Variants in EML6 observed in about 807,000 individuals in gnomAD.
EML6 encodes EMAP like 6, also known as echinoderm microtubule-associated protein-like 6.
EML6 carries 154 observed loss-of-function variants against 240.1 expected under a neutral mutation model. That is an observed-to-expected ratio of 0.64 (90% confidence interval 0.56 to 0.73). The LOEUF is 0.73. EML6 is among the 30% of genes least tolerant of loss of function. The probability of loss-of-function intolerance (pLI) is 0.00; values close to 1 mark genes in which losing one functional copy is unlikely to be tolerated. For synonymous variants in EML6, 1,148 were observed against 899.0 expected, an observed-to-expected ratio of 1.28 and a Z score of -4.95; for missense variants, 2,964 against 2,474.6, an observed-to-expected ratio of 1.20 and a Z score of -4.20.
chr2:54,803,885 C>T (rs1415293213), intron 2 of EML6, among the ~76,000 whole-genome samples: 1 of 152,180 alleles, frequency 6.6e-6, no homozygotes, highest in African/African-American at 2.4e-5. Flanking sequence ...CACTCACGGA[C>T]CGGGCACCAT....
chr2:54,890,966 C>T (rs908529492), intron 17 of EML6, 88 bp from the exon 18 acceptor site: 42 of 602,642 alleles, frequency 7.0e-5, no homozygotes, highest in Non-Finnish European at 1.1e-4. Context: ...GTTAGATGTG[C>T]TTAAAATTAG....
At chr2:54,886,587 C>G (rs577005964) in intron 17 of EML6, among the ~76,000 whole-genome samples, 6 of 152,320 alleles carry the variant, frequency 3.9e-5, no homozygotes, top group Admixed American at 3.3e-4. Flanking sequence ...AGGCCTCCAA[C>G]TTCTCCACAT....
At chr2:54,853,904 T>C (rs561478490) in intron 11 of EML6, 49 bp downstream of exon 11, 2 of 1,246,196 alleles carry the variant, frequency 1.6e-6, no homozygotes, top group South Asian at 2.8e-5. Flanking sequence ...CTCTAAACTG[T>C]ATACAGTACA....
chr2:54,873,472 G>T (rs181695524), intron 16 of EML6, among the ~76,000 whole-genome samples: 1 of 152,336 alleles, frequency 6.6e-6, no homozygotes, highest in Admixed American at 6.5e-5. Context: ...ACTCCCGGAA[G>T]TGTGATGGAC....
At chr2:54,795,307 G>T (rs1669699594) in intron 2 of EML6, among the ~76,000 whole-genome samples, 1 of 152,210 alleles carries the variant, frequency 6.6e-6, no homozygotes, top group Non-Finnish European at 1.5e-5. Context: ...GAGAGAGCAT[G>T]TGTGAATGAG....
At chr2:54,899,131 A>G (rs979222317) in intron 21 of EML6, among the ~76,000 whole-genome samples, 9 of 152,232 alleles carry the variant, frequency 5.9e-5, no homozygotes, top group Non-Finnish European at 1.3e-4. Context: ...GCCGAATGCT[A>G]CACATTCAAA....
chr2:54,966,089 T>A (rs532813909), intron 38 of EML6, among the ~76,000 whole-genome samples: 5 of 152,374 alleles, frequency 3.3e-5, no homozygotes, highest in Admixed American at 6.5e-5. Context: ...CAGTCCCTGC[T>A]TCCTGGAGCT....
intron 9 of EML6, 144 bp downstream of exon 9, chr2:54,847,767 C>A: frequency 3.3e-6 from 3 of 914,908 alleles, no homozygotes; most frequent in South Asian, 1.9e-5. Flanking sequence ...GATCCCCTAT[C>A]TGTAATTCTG....
chr2:54,889,226 G>A (rs947600872), intron 17 of EML6, among the ~76,000 whole-genome samples: 1 of 152,162 alleles, frequency 6.6e-6, no homozygotes, highest in Admixed American at 6.5e-5. Context: ...ACCTAGGAGA[G>A]CTACTCTCTG....
intron 2 of EML6, among the ~76,000 whole-genome samples, chr2:54,802,665 A>ACTG (rs931672254): frequency 6.8e-6 from 1 of 147,698 alleles, no homozygotes; most frequent in African/African-American, 2.5e-5. Context: ...TACTACTACT[A>ACTG]CTGCTACTAC....
chr2:54,907,379 C>T (rs1363478218), intron 24 of EML6, among the ~76,000 whole-genome samples: 6 of 152,126 alleles, frequency 3.9e-5, no homozygotes, highest in South Asian at 2.1e-4. Flanking sequence ...TGGTGGCGGG[C>T]GCCTGTAATC....
chr2:54,767,256 G>T (rs1475018929), intron 2 of EML6, among the ~76,000 whole-genome samples: 1 of 152,024 alleles, frequency 6.6e-6, no homozygotes, highest in Non-Finnish European at 1.5e-5. Flanking sequence ...AGTTTGACAA[G>T]CCCTATTCAA....
intron 2 of EML6, among the ~76,000 whole-genome samples, chr2:54,753,606 C>T (rs76574290): frequency 0.019 from 2,807 of 151,222 alleles, 80 homozygotes; most frequent in African/African-American, 0.064. Flanking sequence ...GTAGAAAAAG[C>T]AGAGGAACAG....
intron 2 of EML6, among the ~76,000 whole-genome samples, chr2:54,809,826 G>C (rs2915636): frequency 0.83 from 126,855 of 152,146 alleles, 52,995 homozygotes; most frequent in Middle Eastern, 0.89. Flanking sequence ...GAAATGACAT[G>C]ACAAATTTAA....
intron 2 of EML6, among the ~76,000 whole-genome samples, chr2:54,759,360 C>T (rs1381216884): frequency 6.6e-6 from 1 of 151,400 alleles, no homozygotes; most frequent in Non-Finnish European, 1.5e-5. Flanking sequence ...AATGAGTAAC[C>T]TTGGTTTTCT....
intron 2 of EML6, among the ~76,000 whole-genome samples, chr2:54,764,306 G>A (rs1028590289): frequency 6.6e-6 from 1 of 152,188 alleles, no homozygotes; most frequent in Admixed American, 6.5e-5. Flanking sequence ...ACGTTATGAA[G>A]TTGGAAAATT....
At chr2:54,765,621 G>A (rs570605842) in intron 2 of EML6, among the ~76,000 whole-genome samples, 6 of 152,116 alleles carry the variant, frequency 3.9e-5, no homozygotes, top group South Asian at 2.1e-4. Flanking sequence ...CCCTATGTCC[G>A]GCTAAGTTTT....
In EML6 at chr2:54,823,878, T is replaced by TCTCTCTCTC. The variant is rs60937620; in HGVS notation, c.525+3416_525+3417insCTCTCTCTC. ...TCTCTCTCTCTCTCTCTCTCTCTCTTTCTGTCTCTCTCTCTCTCTCTCAGA... is the reference window on the plus strand; with the variant it reads ...TCTCTCTCTCTCTCTCTCTCTCTCTTCTCTCTCTCTCTGTCTCTCTCTCTCTCTCTCAGA... On this transcript the variant is annotated intron_variant, in intron 5 of 41. Transcript: ENST00000356458. 9.5e-3 allele frequency among the ~76,000 whole-genome samples: 1,228 copies of TCTCTCTCTC among 129,176 alleles called. 113 individuals are homozygous for TCTCTCTCTC. The highest frequency in any genetic ancestry group is 0.047 in the Admixed American group (598 of 12,840). The allele number at this position is 129,176 out of a possible 152,430, so 84.7% of individuals were successfully genotyped here.
At position 54,806,612 on chromosome 2, in the gene EML6, C is replaced by CAAA. The variant is rs58185994; in HGVS notation, c.198-6590_198-6588dup. Reference sequence around the variant, plus strand: ...TGGGCAACAAGAGTGACTCCGTCTCCAAAAAAAAAAAAAAAAAAAAAAAAA... The same window carrying CAAA: ...TGGGCAACAAGAGTGACTCCGTCTCCAAAAAAAAAAAAAAAAAAAAAAAAAAAA... On this transcript the variant is annotated intron_variant, in intron 2 of 41. Transcript: ENST00000356458. 3.2e-3 allele frequency among the ~76,000 whole-genome samples: 171 copies of CAAA among 52,874 alleles called. 7 individuals carry two copies. Among genetic ancestry groups the CAAA allele is most frequent in the South Asian group, 5.1e-3 (6 of 1,188 alleles). 34.7% of individuals were successfully genotyped at this position (52,874 alleles called of 152,430 possible). A position where few individuals can be genotyped will look rare whatever the true frequency, so the allele number is the denominator to read the frequency against.
Sources: gnomAD v4.1 joint callset for allele counts (sites outside exome capture counted in the v4.1 genomes callset) on GRCh38, gnomAD v4.1.1 for gene constraint, MANE v1.5 for transcripts, NCBI Gene and HGNC (gene_info 2026-07-23, HGNC 2026-07-21) for gene names.